The following TSHZ1 variants were observed in gnomAD, a reference collection of about 807,000 sequenced individuals.
The protein encoded by TSHZ1 is teashirt homolog 1.
A neutral mutation model predicts 67.1 loss-of-function variants in TSHZ1; 12 were observed. The ratio of observed to expected loss-of-function variants is 0.18; its 90% CI spans 0.11 to 0.29. TSHZ1 has a LOEUF of 0.29. Among genes scored for constraint, TSHZ1 ranks in the 10% least tolerant of loss-of-function variants. TSHZ1 has a pLI of 1.00. For synonymous variants in TSHZ1, 632 were observed against 622.4 expected (o/e 1.02, Z -0.23); for missense variants, 1,305 against 1,413.9 (o/e 0.92, Z 1.23).
chr18:75,223,773 A>G (rs545127562), intron 1 of TSHZ1, among the ~76,000 whole-genome samples: 1 of 152,194 alleles, frequency 6.6e-6, no homozygotes, highest in African/African-American at 2.4e-5. Context: ...AAAAATGAGC[A>G]CTAATCAATC....
At chr18:75,219,553 T>A (rs2022818534) in intron 1 of TSHZ1, among the ~76,000 whole-genome samples, 1 of 152,244 alleles carries the variant, frequency 6.6e-6, no homozygotes. Context: ...TCAGGGTTTT[T>A]TTCTTGCTAT....
intron 1 of TSHZ1, among the ~76,000 whole-genome samples, chr18:75,240,114 G>A (rs1248542452): frequency 6.6e-6 from 1 of 152,062 alleles, no homozygotes; most frequent in African/African-American, 2.4e-5. Context: ...TTGACCTTAG[G>A]GAATATAAAT....
intron 1 of TSHZ1, chr18:75,285,196 A>G: frequency 3.2e-6 from 1 of 317,270 alleles, no homozygotes; most frequent in Non-Finnish European, 5.6e-6. Flanking sequence ...CAAGGGTCAA[A>G]CTGACATCTT....
At chr18:75,242,891 C>T (rs760840298) in intron 1 of TSHZ1, among the ~76,000 whole-genome samples, 16 of 152,232 alleles carry the variant, frequency 1.1e-4, no homozygotes, top group Non-Finnish European at 1.8e-4. Flanking sequence ...AAATTCTTTG[C>T]TTTCCAATTC....
At chr18:75,250,298 C>T (rs552939744) in intron 1 of TSHZ1, among the ~76,000 whole-genome samples, 50 of 152,316 alleles carry the variant, frequency 3.3e-4, no homozygotes, top group African/African-American at 1.1e-3. Context: ...CCAGCCTCCA[C>T]GCTCCACGCC....
chr18:75,233,081 A>C (rs1242486591), intron 1 of TSHZ1, among the ~76,000 whole-genome samples: 1 of 152,168 alleles, frequency 6.6e-6, no homozygotes, highest in Non-Finnish European at 1.5e-5. Context: ...AGCAGTTATG[A>C]GCTGGGCCAC....
At chr18:75,283,148 C>T (rs529533046) in intron 1 of TSHZ1, 1 of 152,592 alleles carries the variant, frequency 6.6e-6, no homozygotes, top group East Asian at 1.9e-4. Flanking sequence ...ACATCTTAAA[C>T]CTGGGCCTTC....
At chr18:75,241,963 G>C (rs751116604) in intron 1 of TSHZ1, among the ~76,000 whole-genome samples, 10 of 147,372 alleles carry the variant, frequency 6.8e-5, no homozygotes, top group African/African-American at 1.0e-4. Flanking sequence ...CCTCACCCCA[G>C]CTTAACTAAT....
intron 1 of TSHZ1, among the ~76,000 whole-genome samples, chr18:75,270,127 T>C (rs2023540104): frequency 6.6e-6 from 1 of 152,194 alleles, no homozygotes; most frequent in South Asian, 2.1e-4. Flanking sequence ...CATTGCGGCA[T>C]TATGATTGTG....
rs58321980 is a variant in TSHZ1, at chr18:75,253,941, T to C, written c.41-31507T>C. 8.4e-3 allele frequency among the ~76,000 whole-genome samples: 1,277 copies of C among 152,326 alleles called. 14 individuals carry two copies. Among genetic ancestry groups the C allele is most frequent in the African/African-American group, 0.029 (1,223 of 41,572 alleles). ...GAATCTTTAAAAACATATAAAATCATATGGGTTTGTATTTGCCACTGCACA... is the reference window on the plus strand; with the variant it reads ...GAATCTTTAAAAACATATAAAATCACATGGGTTTGTATTTGCCACTGCACA... On this transcript the variant is annotated intron_variant, in intron 1 of 1. Transcript: ENST00000580243.
At chr18:75,255,056 C>T (rs1183902067) in intron 1 of TSHZ1, among the ~76,000 whole-genome samples, 4 of 152,114 alleles carry the variant, frequency 2.6e-5, no homozygotes, top group Non-Finnish European at 4.4e-5. Context: ...TATAGTCTCT[C>T]GATGATGAAA....
chr18:75,214,313 A>G (rs1287229443), intron 1 of TSHZ1, among the ~76,000 whole-genome samples: 3 of 152,194 alleles, frequency 2.0e-5, no homozygotes. Flanking sequence ...AGGTGAGAAA[A>G]TCCTGATTTC....
intron 1 of TSHZ1, among the ~76,000 whole-genome samples, chr18:75,224,338 C>T (rs2022892517): frequency 6.6e-6 from 1 of 152,136 alleles, no homozygotes; most frequent in African/African-American, 2.4e-5. Flanking sequence ...TCGTGAAACC[C>T]AGCTAGTCCC....
chr18:75,285,712 G>A lies in TSHZ1; in HGVS notation c.305G>A (p.Cys102Tyr), dbSNP rs758247368. The A allele has an allele frequency of 3.7e-6, 6 of 1,614,084 alleles. No homozygotes were observed. Among genetic ancestry groups the A allele is most frequent in the African/African-American group, 1.3e-5 (1 of 75,018 alleles). Reference sequence around the variant, plus strand: ...CGAGAAGAGAAGGAGGATCCGCAGTGTCCCGACAGCGTCTCGTACCCCCAG... The same window carrying A: ...CGAGAAGAGAAGGAGGATCCGCAGTATCCCGACAGCGTCTCGTACCCCCAG... ...SSREEKEDPQ[C>Y]PDSVSYPQDS... is the part of the protein sequence containing the mutation. The change falls in exon 2 of 2, where the codon TGT becomes TAT. Residue 102 changes from cysteine (C) to tyrosine (Y), a missense_variant. Physicochemically the swap from Cys to Tyr is radical, Grantham distance 194. Coordinates refer to ENST00000580243, the MANE Select transcript of TSHZ1 (RefSeq NM_001308210.2).
intron 1 of TSHZ1, among the ~76,000 whole-genome samples, chr18:75,214,484 G>C (rs925437199): frequency 2.6e-5 from 4 of 152,182 alleles, no homozygotes; most frequent in Non-Finnish European, 5.9e-5. Flanking sequence ...TGAGTCAAGC[G>C]ATTTTCCAAA....
intron 1 of TSHZ1, among the ~76,000 whole-genome samples, chr18:75,277,581 C>T (rs71359081): frequency 0.1 from 15,291 of 152,082 alleles, 840 homozygotes; most frequent in Middle Eastern, 0.12. Context: ...CCTGTGTGTA[C>T]GTAGATGGTG....
chr18:75,265,540 A>C (rs1455295448), intron 1 of TSHZ1, among the ~76,000 whole-genome samples: 1 of 152,246 alleles, frequency 6.6e-6, no homozygotes. Flanking sequence ...AGAATAGCTA[A>C]GGAGAATGGT....
chr18:75,237,719 T>A (rs550579185), intron 1 of TSHZ1, among the ~76,000 whole-genome samples: 1,845 of 152,322 alleles, frequency 0.012, 16 homozygotes, highest in South Asian at 0.023. Flanking sequence ...GAGATGTTTT[T>A]GGAAACAGTC....
chr18:75,242,366 T>C lies in TSHZ1; in HGVS notation c.40+30450T>C, dbSNP rs11876769. On this transcript the variant is annotated intron_variant, in intron 1 of 1. Coordinates refer to ENST00000580243, the MANE Select transcript of TSHZ1 (RefSeq NM_001308210.2). Reference sequence around the variant, plus strand: ...AGGGAGTCATCGCATCTACAGGCACTTACTCAGCAGCTGCAAGGAACCTAT... The same window carrying C: ...AGGGAGTCATCGCATCTACAGGCACCTACTCAGCAGCTGCAAGGAACCTAT... Among the ~76,000 whole-genome samples the C allele has an allele frequency of 2.3e-3, 348 of 152,280 alleles. 2 individuals are homozygous for C. Among genetic ancestry groups the C allele is most frequent in the African/African-American group, 7.9e-3 (328 of 41,562 alleles).
Sources: gnomAD v4.1 joint callset for allele counts (sites outside exome capture counted in the v4.1 genomes callset) on GRCh38, gnomAD v4.1.1 for gene constraint, MANE v1.5 for transcripts, NCBI Gene and HGNC (gene_info 2026-07-23, HGNC 2026-07-21) for gene names.